ARK2N: variants seen among roughly 807,000 people sequenced by gnomAD.
ARK2N encodes protein ARK2N.
chr18:46,214,524 G>C, the ARK2N span, among the ~76,000 whole-genome samples: 1 of 152,150 alleles, frequency 6.6e-6, no homozygotes, highest in African/African-American at 2.4e-5. Context: ...AATTGGTTTT[G>C]TTAAATGTCA....
At chr18:46,245,051 T>G in the ARK2N span, among the ~76,000 whole-genome samples, 1 of 152,080 alleles carries the variant, frequency 6.6e-6, no homozygotes, top group Non-Finnish European at 1.5e-5. Flanking sequence ...TGCCTCAGCC[T>G]ATCCAGTAGC....
chr18:46,255,392 GTTTTTC>G, the ARK2N span, among the ~76,000 whole-genome samples: 29 of 144,104 alleles, frequency 2.0e-4, no homozygotes, highest in Admixed American at 1.1e-3. Context: ...GGCTGCTTCA[GTTTTTC>G]TTTTTCTTTT....
At chr18:46,215,864 T>C in the ARK2N span, 1 of 1,602,432 alleles carries the variant, frequency 6.2e-7, no homozygotes, top group Non-Finnish European at 8.5e-7. Context: ...CTCCATGATT[T>C]AACTTGAAAT....
At chr18:46,203,464 G>C in the ARK2N span, among the ~76,000 whole-genome samples, 1 of 152,198 alleles carries the variant, frequency 6.6e-6, no homozygotes, top group Non-Finnish European at 1.5e-5. Context: ...GACTAGAGGG[G>C]ACATGAGGGA....
the ARK2N span, among the ~76,000 whole-genome samples, chr18:46,201,759 GTTTTC>G: frequency 1.5e-4 from 22 of 149,026 alleles, no homozygotes; most frequent in South Asian, 2.1e-4. Context: ...ATCAGATCTA[GTTTTC>G]TTTTCTTTTC....
the ARK2N span, among the ~76,000 whole-genome samples, chr18:46,229,314 A>C: frequency 6.6e-6 from 1 of 152,016 alleles, no homozygotes; most frequent in African/African-American, 2.4e-5. Context: ...CTTTGTTTTT[A>C]TATTACAGAC....
At chr18:46,220,111 C>G in the ARK2N span, among the ~76,000 whole-genome samples, 1 of 152,092 alleles carries the variant, frequency 6.6e-6, no homozygotes, top group Non-Finnish European at 1.5e-5. Flanking sequence ...CTTTAATGAC[C>G]TGCTTTGTGG....
At chr18:46,179,065 C>T in the ARK2N span, among the ~76,000 whole-genome samples, 1 of 151,896 alleles carries the variant, frequency 6.6e-6, no homozygotes, top group South Asian at 2.1e-4. Context: ...GCCTCAGCCT[C>T]CCGAGTAGCT....
At chr18:46,215,275 C>T in the ARK2N span, among the ~76,000 whole-genome samples, 1 of 152,144 alleles carries the variant, frequency 6.6e-6, no homozygotes, top group Non-Finnish European at 1.5e-5. Context: ...ACTGAGATTG[C>T]ACCATTGCAC....
At chr18:46,212,742 T>A in the ARK2N span, among the ~76,000 whole-genome samples, 1 of 152,170 alleles carries the variant, frequency 6.6e-6, no homozygotes. Context: ...TGCCATATTG[T>A]CATTTTTTTT....
At chr18:46,230,185 A>G in the ARK2N span, among the ~76,000 whole-genome samples, 5 of 152,254 alleles carry the variant, frequency 3.3e-5, no homozygotes, top group South Asian at 1.0e-3. Context: ...TCAGCCTCCC[A>G]AAGTGCTGGG....
At chr18:46,193,108 A>G in the ARK2N span, among the ~76,000 whole-genome samples, 2 of 152,042 alleles carry the variant, frequency 1.3e-5, no homozygotes, top group South Asian at 4.2e-4. Context: ...GGAGGTTGCA[A>G]GTGAGCTGAG....
chr18:46,190,547 T>C, the ARK2N span, among the ~76,000 whole-genome samples: 2 of 151,590 alleles, frequency 1.3e-5, no homozygotes, highest in Non-Finnish European at 2.9e-5. Flanking sequence ...AAATATGTGG[T>C]AAAACATTCA....
At chr18:46,197,696 A>G in the ARK2N span, among the ~76,000 whole-genome samples, 3 of 152,152 alleles carry the variant, frequency 2.0e-5, no homozygotes, top group African/African-American at 4.8e-5. Context: ...TACCCAACAT[A>G]TAATAGCCAG....
At chr18:46,212,338 T>C in the ARK2N span, among the ~76,000 whole-genome samples, 1 of 152,240 alleles carries the variant, frequency 6.6e-6, no homozygotes, top group African/African-American at 2.4e-5. Flanking sequence ...TGTTCCCTTA[T>C]TCACCTGCTT....
At chr18:46,236,858 T>G in the ARK2N span, among the ~76,000 whole-genome samples, 1 of 151,270 alleles carries the variant, frequency 6.6e-6, no homozygotes, top group Non-Finnish European at 1.5e-5. Context: ...TTGTTGTTGT[T>G]TGTTTTTTGC....
At chr18:46,253,955 T>A in the ARK2N span, 10 of 1,119,392 alleles carry the variant, frequency 8.9e-6, no homozygotes, top group Non-Finnish European at 1.2e-5. Context: ...CTTGGTTTTG[T>A]TTTGTTTAAG....
the ARK2N span, among the ~76,000 whole-genome samples, chr18:46,260,425 G>C: frequency 2.6e-5 from 4 of 152,224 alleles, no homozygotes; most frequent in African/African-American, 4.8e-5. Context: ...GAGAAATAGA[G>C]AGGGTTAGGG....
chr18:46,262,467 T>G, the ARK2N span, among the ~76,000 whole-genome samples: 1 of 152,246 alleles, frequency 6.6e-6, no homozygotes, highest in Non-Finnish European at 1.5e-5. Context: ...AGGGTATTAC[T>G]GTCACTGTCT....
Sources: gnomAD v4.1 joint callset for allele counts (sites outside exome capture counted in the v4.1 genomes callset) on GRCh38, gnomAD v4.1.1 for gene constraint, MANE v1.5 for transcripts, NCBI Gene and HGNC (gene_info 2026-07-23, HGNC 2026-07-21) for gene names.